The following ERC1 variants were observed in gnomAD, a reference collection of about 807,000 sequenced individuals.
ERC1 encodes RAB6 interacting protein 2.
A neutral mutation model predicts 132.0 loss-of-function variants in ERC1; 56 were observed. That is an observed-to-expected ratio of 0.42 (90% CI 0.34 to 0.53). The LOEUF (loss-of-function observed/expected upper bound fraction) is 0.53. ERC1 is among the 20% of genes least tolerant of loss of function. ERC1 has a pLI of 0.03. For synonymous variants in ERC1, 478 were observed against 476.1 expected (o/e 1.00, Z -0.05); for missense variants, 1,202 against 1,349.9 (o/e 0.89, Z 1.72).
chr12:1,271,217 G>A (rs2077828489), intron 14 of ERC1, among the ~76,000 whole-genome samples: 1 of 152,318 alleles, frequency 6.6e-6, no homozygotes, highest in South Asian at 2.1e-4. Flanking sequence ...AAGCAAAAAT[G>A]TGTAGAGAGA....
At chr12:997,241 C>T (rs1407559965) in intron 1 of ERC1, among the ~76,000 whole-genome samples, 1 of 152,162 alleles carries the variant, frequency 6.6e-6, no homozygotes, top group Non-Finnish European at 1.5e-5. Context: ...ACAGTAGTTG[C>T]CTAGAATTGA....
chr12:1,475,941 G>A (rs1347774023), intron 18 of ERC1, among the ~76,000 whole-genome samples: 4 of 150,746 alleles, frequency 2.7e-5, no homozygotes, highest in Non-Finnish European at 1.5e-5. Context: ...GAGCAGCCTG[G>A]GCAACATAGT....
intron 14 of ERC1, among the ~76,000 whole-genome samples, chr12:1,289,431 A>G (rs1028632377): frequency 2.6e-5 from 4 of 152,048 alleles, no homozygotes; most frequent in East Asian, 1.9e-4. Context: ...TCGTCTATGT[A>G]TACAGGAAAT....
chr12:1,341,751 G>T (rs1398652234), intron 15 of ERC1, among the ~76,000 whole-genome samples: 1 of 152,130 alleles, frequency 6.6e-6, no homozygotes, highest in Non-Finnish European at 1.5e-5. Flanking sequence ...CATGGCACAT[G>T]TATACCTGTG....
intron 16 of ERC1, among the ~76,000 whole-genome samples, chr12:1,401,207 T>G (rs926009899): frequency 6.6e-6 from 1 of 152,274 alleles, no homozygotes; most frequent in East Asian, 1.9e-4. Flanking sequence ...GTGCTGGGAT[T>G]ACAGGCGTGA....
At chr12:1,388,749 A>T (rs2089664201) in intron 16 of ERC1, among the ~76,000 whole-genome samples, 1 of 152,220 alleles carries the variant, frequency 6.6e-6, no homozygotes, top group African/African-American at 2.4e-5. Flanking sequence ...ACTGTTTAAG[A>T]ATCTATTCCA....
chr12:1,363,076 T>C (rs2086284985), intron 15 of ERC1, among the ~76,000 whole-genome samples: 1 of 152,206 alleles, frequency 6.6e-6, no homozygotes, highest in Non-Finnish European at 1.5e-5. Flanking sequence ...CTGTCTGCCC[T>C]TTCTGGTCAC....
intron 15 of ERC1, among the ~76,000 whole-genome samples, chr12:1,301,117 C>A (rs1348805675): frequency 6.7e-6 from 1 of 148,540 alleles, no homozygotes; most frequent in Non-Finnish European, 1.5e-5. Context: ...TATGTTCTCA[C>A]TTATAAGTGG....
At chr12:1,418,663 TTCTTTTC>T (rs2092285560) in intron 17 of ERC1, among the ~76,000 whole-genome samples, 1 of 116,684 alleles carries the variant, frequency 8.6e-6, no homozygotes, top group Admixed American at 8.8e-5. Flanking sequence ...CTCTCTCTCT[TTCTTTTC>T]TTTCTTTCTT....
chr12:1,144,867 C>G (rs1426861242), intron 8 of ERC1, among the ~76,000 whole-genome samples: 1 of 152,058 alleles, frequency 6.6e-6, no homozygotes, highest in Non-Finnish European at 1.5e-5. Context: ...AATCTCTATA[C>G]TGTTTTCCAC....
chr12:1,349,640 G>A (rs182463934), intron 15 of ERC1, among the ~76,000 whole-genome samples: 12 of 148,196 alleles, frequency 8.1e-5, no homozygotes, highest in African/African-American at 3.0e-4. Flanking sequence ...CTCCAACCTG[G>A]ACGACAGAGT....
At chr12:1,249,264 G>A (rs760911748) in intron 13 of ERC1, among the ~76,000 whole-genome samples, 2 of 152,080 alleles carry the variant, frequency 1.3e-5, no homozygotes, top group South Asian at 2.1e-4. Context: ...ATTGCTATAC[G>A]CAGAACTGAA....
chr12:1,063,763 A>G (rs767962035), intron 2 of ERC1, among the ~76,000 whole-genome samples: 1 of 152,006 alleles, frequency 6.6e-6, no homozygotes, highest in African/African-American at 2.4e-5. Flanking sequence ...ATTGCTTTGT[A>G]TATCCTATGT....
At chr12:1,398,224 T>A (rs190839891) in intron 16 of ERC1, among the ~76,000 whole-genome samples, 175 of 152,210 alleles carry the variant, frequency 1.1e-3, no homozygotes, top group East Asian at 0.011. Flanking sequence ...GCTCAAGTGA[T>A]CCTCCCTCCT....
At chr12:1,484,601 A>G (rs1470156078) in intron 18 of ERC1, among the ~76,000 whole-genome samples, 1 of 133,516 alleles carries the variant, frequency 7.5e-6, no homozygotes, top group African/African-American at 3.2e-5. Context: ...TTTTTTTGAG[A>G]TGGAGTCTTG....
At chr12:1,474,934 A>G (rs551029232) in intron 18 of ERC1, among the ~76,000 whole-genome samples, 1 of 152,310 alleles carries the variant, frequency 6.6e-6, no homozygotes, top group South Asian at 2.1e-4. Context: ...TGCTTTGAGC[A>G]TTCAGATTGA....
At chr12:1,145,465 T>C (rs933244695) in intron 8 of ERC1, among the ~76,000 whole-genome samples, 3 of 152,236 alleles carry the variant, frequency 2.0e-5, no homozygotes, top group Non-Finnish European at 4.4e-5. Context: ...CTTTGTAGAT[T>C]CTGGATATTA....
chr12:1,141,265 G>A (rs1949838421), intron 7 of ERC1, among the ~76,000 whole-genome samples: 2 of 152,130 alleles, frequency 1.3e-5, no homozygotes, highest in Non-Finnish European at 2.9e-5. Flanking sequence ...GCTTGGTGAT[G>A]CTTTTTTTCC....
At chr12:1,075,269 A>G (rs1034899178) in intron 2 of ERC1, among the ~76,000 whole-genome samples, 1 of 152,218 alleles carries the variant, frequency 6.6e-6, no homozygotes, top group South Asian at 2.1e-4. Context: ...AAATTTAACT[A>G]TTAATAGCCT....
Sources: gnomAD v4.1 joint callset for allele counts (sites outside exome capture counted in the v4.1 genomes callset) on GRCh38, gnomAD v4.1.1 for gene constraint, MANE v1.5 for transcripts, NCBI Gene and HGNC (gene_info 2026-07-23, HGNC 2026-07-21) for gene names.